Variants in SFSWAP observed in about 807,000 individuals in gnomAD.
The protein encoded by SFSWAP is splicing factor, suppressor of white-apricot homolog.
Under a neutral mutation model 100.7 loss-of-function variants are expected in SFSWAP, and 17 were observed. The observed-to-expected ratio is 0.17, with a 90% CI of 0.12 to 0.25. The LOEUF (loss-of-function observed/expected upper bound fraction) is 0.25. SFSWAP is among the 10% of genes least tolerant of loss of function. The pLI, the probability that SFSWAP is intolerant of heterozygous loss-of-function variation, is 1.00. For missense variants in SFSWAP, 1,005 were observed against 1,262.6 expected, an observed-to-expected ratio of 0.80 and a Z score of 3.09; for synonymous variants, 504 against 510.1, an observed-to-expected ratio of 0.99 and a Z score of 0.16.
At chr12:131,771,092 A>C (rs1405782909) in intron 13 of SFSWAP, among the ~76,000 whole-genome samples, 2 of 152,210 alleles carry the variant, frequency 1.3e-5, no homozygotes, top group East Asian at 1.9e-4. Context: ...TGGGAGGCCA[A>C]GTGAATCCTT....
chr12:131,785,198 C>T, intron 14 of SFSWAP: 1 of 1,534,642 alleles, frequency 6.5e-7, no homozygotes, highest in Non-Finnish European at 8.7e-7. Context: ...TCCGCGAGCT[C>T]TTTTGAGGGA....
At chr12:131,754,577 A>G in intron 9 of SFSWAP, 78 bp downstream of exon 9, 2 of 1,027,362 alleles carry the variant, frequency 1.9e-6, no homozygotes, top group East Asian at 6.6e-5. Context: ...AAATGTAGGT[A>G]CAGAATTAAT....
chr12:131,764,774 C>A, intron 12 of SFSWAP, 88 bp downstream of exon 12: 1 of 898,476 alleles, frequency 1.1e-6, no homozygotes, highest in Non-Finnish European at 1.7e-6. Flanking sequence ...TCGAGGCTGC[C>A]AACTAGAATC....
rs557613922 is a variant in SFSWAP at position 131,766,318 on chromosome 12, A to G, written c.2142+10A>G. On this transcript the variant is annotated intron_variant, in intron 13 of 17. Coordinates refer to ENST00000261674, the MANE Select transcript of SFSWAP (RefSeq NM_004592.4). ...TCCTTTCAGTGTCGAGGTATAGTAA[A>G]ATCCCACATTGGTATCTGCGGGGCT... 6.2e-7 allele frequency: 1 copy of G among 1,612,682 alleles called. No individual in the cohort carries two copies. Among genetic ancestry groups the G allele is most frequent in the Admixed American group, 1.7e-5 (1 of 59,970 alleles).
At chr12:131,765,894 C>T (rs1465346128) in intron 12 of SFSWAP, among the ~76,000 whole-genome samples, 3 of 152,198 alleles carry the variant, frequency 2.0e-5, no homozygotes, top group South Asian at 2.1e-4. Context: ...TTCCAGCTTT[C>T]GTTAGTGTAG....
rs1879399423 is a variant in SFSWAP, at chr12:131,730,519, A to G, written c.1081+2091A>G. Among the ~76,000 whole-genome samples the G allele has an allele frequency of 6.6e-6, 1 of 152,144 alleles. No homozygotes were observed. Among genetic ancestry groups the G allele is most frequent in the Non-Finnish European group, 1.5e-5 (1 of 68,024 alleles). Reference sequence around the variant, plus strand: ...CGGCTGGTAGTGGCCGTTCTGTGACACACAGCATCCCCTGGTCTGGTGGGA... The same window carrying G: ...CGGCTGGTAGTGGCCGTTCTGTGACGCACAGCATCCCCTGGTCTGGTGGGA... On this transcript the variant is annotated intron_variant, in intron 7 of 17. Transcript: ENST00000261674. The surrounding 1 kb of genome is among the most constrained non-coding windows in gnomAD (Gnocchi z 4.0).
rs145173672 is a variant in SFSWAP at position 131,786,582 on chromosome 12, G to A, written c.2528G>A (p.Arg843His). 9.9e-5 allele frequency: 157 copies of A among 1,589,112 alleles called. No individual in the cohort carries two copies. In the African/African-American group the frequency reaches 1.8e-3, roughly 18 times the overall value. ...CCTGGGGCCAGTAGGAAGCGGACCC[G>A]CTCCAGGTAGGCCACTGGGTGTGCA... ...RSPGASRKRT[R>H]SRSPHEKKKK... Residue 843 changes from arginine to histidine, a missense_variant, in exon 15 of 18, where the codon CGC (arginine) becomes CAC (histidine). Arg to His is a conservative substitution (Grantham distance 29). Coordinates refer to ENST00000261674, the MANE Select transcript of SFSWAP (RefSeq NM_004592.4).
chr12:131,749,593 T>C (rs1054663658), intron 7 of SFSWAP, among the ~76,000 whole-genome samples: 1 of 152,256 alleles, frequency 6.6e-6, no homozygotes, highest in Non-Finnish European at 1.5e-5. Context: ...TAAAGGGTTC[T>C]GTGAGCTGTA....
At chr12:131,713,251 T>G (rs1174809239) in intron 1 of SFSWAP, 1 of 152,238 alleles carries the variant, frequency 6.6e-6, no homozygotes, top group Non-Finnish European at 1.5e-5. Context: ...AGCATCCTCA[T>G]TGAATCCTTT....
At chr12:131,783,795 TATA>T (rs1566055403) in intron 14 of SFSWAP, 21 of 30,512 alleles carry the variant, frequency 6.9e-4, no homozygotes, top group East Asian at 1.8e-3. Flanking sequence ...AAACATTTTA[TATA>T]TATATATATA....
rs139034136 is a variant in SFSWAP, at chr12:131,755,443, G to A, written c.1512G>A (p.Gln504=). 3,212 of 1,613,958 alleles carry A rather than the reference G, an allele frequency of 2.0e-3. 9 individuals are homozygous for A. Among genetic ancestry groups the A allele is most frequent in the Non-Finnish European group, 2.5e-3 (2,982 of 1,179,872 alleles). ...QYNAYYEFKK[Q]FFLQKEGGDS... ...ATGCTTATTATGAGTTTAAGAAGCA[G>A]TTCTTCCTCCAGAAAGAAGGGGGCG... Residue 504 remains glutamine, a synonymous_variant, in exon 10 of 18, where the codon CAG becomes CAA. Transcript: ENST00000261674.
At chr12:131,745,593 G>T (rs1200155204) in intron 7 of SFSWAP, among the ~76,000 whole-genome samples, 1 of 152,154 alleles carries the variant, frequency 6.6e-6, no homozygotes, top group Non-Finnish European at 1.5e-5. Flanking sequence ...ATAGAATGTG[G>T]ACCTCTCCTG....
rs961666162 is a variant in SFSWAP, at chr12:131,730,025, T to C, written c.1081+1597T>C. 6.6e-6 allele frequency among the ~76,000 whole-genome samples: 1 copy of C among 152,226 alleles called. No individual in the cohort carries two copies. Among genetic ancestry groups the C allele is most frequent in the African/African-American group, 2.4e-5 (1 of 41,462 alleles). On this transcript the variant is annotated intron_variant, in intron 7 of 17. Coordinates refer to ENST00000261674, the MANE Select transcript of SFSWAP (RefSeq NM_004592.4). This position sits in a 1 kb window ranked among gnomAD's most constrained non-coding sequence, Gnocchi z 4.0. ...AATGTCTTTAAATGATTAAATCAAGTCATATCAAATTTCACTGAATGTTCA... is the reference window on the plus strand; with the variant it reads ...AATGTCTTTAAATGATTAAATCAAGCCATATCAAATTTCACTGAATGTTCA...
Position 131,778,955 on chromosome 12 carries a change from CTTTTG to C in SFSWAP, c.2408+630_2408+634del, listed in dbSNP as rs947389770. Among the ~76,000 whole-genome samples, 15 of 151,724 alleles carry C rather than the reference CTTTTG, an allele frequency of 9.9e-5. No homozygotes were observed. The highest frequency in any genetic ancestry group is 3.6e-4 in the African/African-American group (15 of 41,320). Reference sequence around the variant, plus strand: ...ATTCACAGGGTGGTGTGCTGGGGGTCTTTTGTTTTATTTGTATAAGTGAAGTTTCC... The same window carrying C: ...ATTCACAGGGTGGTGTGCTGGGGGTCTTTTATTTGTATAAGTGAAGTTTCC... On this transcript the variant is annotated intron_variant, in intron 14 of 17. Coordinates refer to ENST00000261674, the MANE Select transcript of SFSWAP (RefSeq NM_004592.4). The surrounding 1 kb of genome is among the most constrained non-coding windows in gnomAD (Gnocchi z 4.2).
chr12:131,732,351 C>G (rs1175413736), intron 7 of SFSWAP, among the ~76,000 whole-genome samples: 2 of 152,212 alleles, frequency 1.3e-5, no homozygotes, highest in Admixed American at 1.3e-4. Context: ...ACAGATCTCC[C>G]GAAGTTCCTT....
intron 12 of SFSWAP, among the ~76,000 whole-genome samples, chr12:131,765,645 G>A (rs377297902): frequency 5.3e-5 from 8 of 150,456 alleles, no homozygotes; most frequent in African/African-American, 1.7e-4. Context: ...CAAAAACTCC[G>A]TCTCAAAGAA....
intron 7 of SFSWAP, among the ~76,000 whole-genome samples, chr12:131,729,323 C>A (rs1264443398): frequency 4.0e-5 from 6 of 151,884 alleles, no homozygotes; most frequent in African/African-American, 1.5e-4. Flanking sequence ...GGACAACATA[C>A]TAAAACCGCA....
chr12:131,723,522 A>T (rs1205086560), intron 4 of SFSWAP, among the ~76,000 whole-genome samples: 2 of 152,184 alleles, frequency 1.3e-5, no homozygotes, highest in Admixed American at 6.5e-5. Context: ...ATTTTGACTC[A>T]ATCTGATACT....
rs1879828347 is a variant in SFSWAP, at chr12:131,734,652, C to G, written c.1081+6224C>G. ...CTCCTTGCACCTCGATCCAAGGGGC[C>G]ACGGGGCTCCCAGGAACATTCACCG... On this transcript the variant is annotated intron_variant, in intron 7 of 17. Transcript: ENST00000261674. This position sits in a 1 kb window ranked among gnomAD's most constrained non-coding sequence, Gnocchi z 4.9. Among the ~76,000 whole-genome samples, 1 of 152,184 alleles carries G rather than the reference C, an allele frequency of 6.6e-6. No homozygotes were observed. Among genetic ancestry groups the G allele is most frequent in the African/African-American group, 2.4e-5 (1 of 41,452 alleles).
Sources: gnomAD v4.1 joint callset for allele counts (sites outside exome capture counted in the v4.1 genomes callset) on GRCh38, gnomAD v4.1.1 for gene constraint, Gnocchi (gnomAD v3.1) non-coding constraint, MANE v1.5 for transcripts, NCBI Gene and HGNC (gene_info 2026-07-23, HGNC 2026-07-21) for gene names.